RNF20: variants seen among roughly 807,000 people sequenced by gnomAD.
RNF20 encodes E3 ubiquitin-protein ligase BRE1A.
In RNF20, 84 loss-of-function variants were observed where a neutral mutation model predicts 126.2. The ratio of observed to expected loss-of-function variants is 0.67; its 90% CI spans 0.56 to 0.80. The LOEUF (loss-of-function observed/expected upper bound fraction) is 0.80. Ranked by LOEUF, RNF20 falls within the 30% of genes least tolerant of loss-of-function variation. The pLI is 0.00. For missense variants in RNF20, 869 were observed against 1,188.2 expected, an observed-to-expected ratio of 0.73 and a Z score of 3.95; for synonymous variants, 400 against 414.3, an observed-to-expected ratio of 0.97 and a Z score of 0.42.
At chr9:101,547,365 CTTAT>C (rs755092166) in intron 8 of RNF20, 30 bp from the exon 9 acceptor site, 15 of 1,610,716 alleles carry the variant, frequency 9.3e-6, no homozygotes, top group East Asian at 4.5e-5. Flanking sequence ...AAGAAGAATA[CTTAT>C]TTATTCTCTA....
In RNF20 at chr9:101,562,494, C is replaced by A; in HGVS notation, c.*72C>A. 1 of 1,401,172 alleles carries A rather than the reference C, an allele frequency of 7.1e-7. No homozygotes were observed. Among genetic ancestry groups the A allele is most frequent in the Non-Finnish European group, 9.7e-7 (1 of 1,031,520 alleles). 86.8% of individuals were successfully genotyped at this position (1,401,172 alleles called of 1,614,324 possible). ...ATTAACCACCAAACCTCTACCTCTT[C>A]TCTCCTTGACTGTCACCTGTAGGAC... is the stretch of plus-strand genomic sequence containing the variant. On this transcript the variant is annotated 3_prime_UTR_variant, in exon 20 of 20. Coordinates refer to ENST00000389120, the MANE Select transcript of RNF20 (RefSeq NM_019592.7).
intron 9 of RNF20, among the ~76,000 whole-genome samples, chr9:101,549,504 G>A (rs1328763152): frequency 6.6e-6 from 1 of 152,136 alleles, no homozygotes; most frequent in African/African-American, 2.4e-5. Flanking sequence ...TCCGGATAAC[G>A]GCGGACGAGC....
rs1251019738 is a variant in RNF20, at chr9:101,546,978, T to G, written c.894+12T>G. On this transcript the variant is annotated intron_variant, in intron 7 of 19. Coordinates refer to ENST00000389120, the MANE Select transcript of RNF20 (RefSeq NM_019592.7). ...AAGTCCTAGAACGGGTCAGTGCTGTTTTATGGCTTGGAGACTAGAATCATT... is the reference window on the plus strand; with the variant it reads ...AAGTCCTAGAACGGGTCAGTGCTGTGTTATGGCTTGGAGACTAGAATCATT... 6.2e-7 allele frequency: 1 copy of G among 1,613,884 alleles called. No homozygotes were observed. The highest frequency in any genetic ancestry group is 1.7e-5 in the Admixed American group (1 of 60,012).
intron 2 of RNF20, among the ~76,000 whole-genome samples, chr9:101,538,928 T>C (rs1827221936): frequency 6.6e-6 from 1 of 152,072 alleles, no homozygotes; most frequent in African/African-American, 2.4e-5. Context: ...GGGAAGGAGC[T>C]GGAGAGAGAA....
chr9:101,536,781 G>A (rs1827191862), intron 2 of RNF20, among the ~76,000 whole-genome samples: 1 of 152,150 alleles, frequency 6.6e-6, no homozygotes, highest in Non-Finnish European at 1.5e-5. Flanking sequence ...ACCCCAGTGT[G>A]GACTTTATCC....
Position 101,550,618 on chromosome 9 carries a change from A to G in RNF20, c.1105A>G (p.Ser369Gly), listed in dbSNP as rs774397423. The change falls in exon 10 of 20, where the codon AGT (serine) becomes GGT (glycine). Residue 369 changes from serine (S) to glycine (G), a missense_variant. Physicochemically the swap from Ser to Gly is moderately conservative, Grantham distance 56. Transcript: ENST00000389120. ...GGGCCCTCCTAAGGTGGAATTGCGGAGTGCAGTGGAGCAAGTCGTTAAGGA... is the reference window on the plus strand; with the variant it reads ...GGGCCCTCCTAAGGTGGAATTGCGGGGTGCAGTGGAGCAAGTCGTTAAGGA... ...QNEKLKVELR[S>G]AVEQVVKETP... 6.2e-7 allele frequency: 1 copy of G among 1,613,776 alleles called. No homozygotes were observed. The highest frequency in any genetic ancestry group is 1.1e-5 in the South Asian group (1 of 91,064).
Position 101,540,573 on chromosome 9 carries a change from T to C in RNF20, c.381T>C (p.Leu127=), listed in dbSNP as rs780648284. 3.7e-6 allele frequency: 6 copies of C among 1,614,088 alleles called. No individual in the cohort carries two copies. The highest frequency in any genetic ancestry group is 5.1e-6 in the Non-Finnish European group (6 of 1,180,024). Reference sequence around the variant, plus strand: ...ACCTACTCACAGAACGAAAAGCCCTTGTTGTGCCTGAACCAGAACCAGACT... The same window carrying C: ...ACCTACTCACAGAACGAAAAGCCCTCGTTGTGCCTGAACCAGAACCAGACT... The part of the protein sequence containing the change: ...LGDLLTERKA[L]VVPEPEPDSD... The change falls in exon 4 of 20, where the codon CTT becomes CTC. Residue 127 remains leucine, a synonymous_variant. Coordinates refer to ENST00000389120, the MANE Select transcript of RNF20 (RefSeq NM_019592.7).
chr9:101,551,942 A>G (rs1827453348), intron 11 of RNF20, 123 bp downstream of exon 11: 4 of 1,309,852 alleles, frequency 3.1e-6, no homozygotes, highest in East Asian at 2.4e-5. Flanking sequence ...CTTAAATCCT[A>G]TAATTCATTT....
chr9:101,563,254 T>C lies in RNF20; in HGVS notation c.*832T>C, dbSNP rs1235414690. The C allele has an allele frequency of 6.6e-6, 1 of 152,664 alleles. No homozygotes were observed. The highest frequency in any genetic ancestry group is 1.9e-4 in the East Asian group (1 of 5,200). The allele number at this position is 152,664 out of a possible 1,614,324, so 9.5% of individuals were successfully genotyped here. A position where few individuals can be genotyped will look rare whatever the true frequency, so the allele number is the denominator to read the frequency against. ...TCTCAGTCTCCTTTTTACAGGGTTG[T>C]TGTGATCCCTCTTTTCCAGAAAATT... is the stretch of plus-strand genomic sequence containing the variant. On this transcript the variant is annotated 3_prime_UTR_variant, in exon 20 of 20. Transcript: ENST00000389120.
chr9:101,560,601 A>C, intron 16 of RNF20, 200 bp from the exon 17 acceptor site: 1 of 409,482 alleles, frequency 2.4e-6, no homozygotes, highest in Non-Finnish European at 4.3e-6. Flanking sequence ...CTCTTACTGA[A>C]TCTTCCACAA....
chr9:101,558,467 T>C (rs1291901473), intron 16 of RNF20, among the ~76,000 whole-genome samples: 2 of 152,168 alleles, frequency 1.3e-5, no homozygotes, highest in Non-Finnish European at 2.9e-5. Flanking sequence ...TTTTAGTTCA[T>C]TAAGGACTCT....
At chr9:101,550,566 G>A (rs1827426341) in intron 9 of RNF20, 40 bp from the exon 10 acceptor site, 2 of 1,585,478 alleles carry the variant, frequency 1.3e-6, no homozygotes, top group South Asian at 2.2e-5. Context: ...CTGGGGCAAT[G>A]CTAGATTCTG....
intron 16 of RNF20, among the ~76,000 whole-genome samples, chr9:101,558,033 A>G (rs552608253): frequency 1.5e-4 from 21 of 143,180 alleles, no homozygotes; most frequent in African/African-American, 5.4e-4. Context: ...TTAAATTTCC[A>G]TAGGTTTTGG....
chr9:101,535,954 C>G (rs1231415866), intron 2 of RNF20, among the ~76,000 whole-genome samples: 1 of 152,192 alleles, frequency 6.6e-6, no homozygotes, highest in Non-Finnish European at 1.5e-5. Context: ...TGACTCTGAG[C>G]TGTACCACTT....
intron 2 of RNF20, among the ~76,000 whole-genome samples, chr9:101,537,732 T>C (rs1373689627): frequency 6.6e-6 from 1 of 152,164 alleles, no homozygotes; most frequent in Non-Finnish European, 1.5e-5. Flanking sequence ...AAGAAAGTAT[T>C]TCAAGAAGGA....
intron 13 of RNF20, 149 bp from the exon 14 acceptor site, chr9:101,553,839 T>C (rs112592007): frequency 4.1e-6 from 2 of 485,060 alleles, no homozygotes; most frequent in Non-Finnish European, 3.7e-6. Context: ...AGTCTTTTGA[T>C]AGTCTGTGCA....
chr9:101,538,901 C>T (rs1163675022), intron 2 of RNF20, among the ~76,000 whole-genome samples: 2 of 152,156 alleles, frequency 1.3e-5, no homozygotes, highest in African/African-American at 4.8e-5. Flanking sequence ...CCACCAACCC[C>T]TCCCTGGTTT....
intron 2 of RNF20, among the ~76,000 whole-genome samples, chr9:101,537,653 G>C (rs1029096027): frequency 6.6e-6 from 1 of 152,186 alleles, no homozygotes; most frequent in Non-Finnish European, 1.5e-5. Flanking sequence ...ACTAATCAAA[G>C]ATACAAACAA....
At chr9:101,540,433 C>T (rs1026533992) in intron 3 of RNF20, 57 bp from the exon 4 acceptor site, 16 of 1,611,004 alleles carry the variant, frequency 9.9e-6, no homozygotes, top group African/African-American at 1.3e-5. Context: ...TTACTGTTCT[C>T]TTCATTTCCA....
Sources: allele counts gnomAD v4.1 joint callset (sites outside exome capture counted in the v4.1 genomes callset), GRCh38; gene constraint gnomAD v4.1.1; transcripts MANE v1.5; gene names NCBI Gene and HGNC (gene_info 2026-07-23, HGNC 2026-07-21).